Variants in LIMCH1 observed in about 807,000 individuals in gnomAD.
The protein encoded by LIMCH1 is LIM and calponin homology domains 1, also known as LIM and calponin homology domains-containing protein 1.
LIMCH1 carries 113 observed loss-of-function variants against 176.5 expected under a neutral mutation model. The ratio of observed to expected loss-of-function variants is 0.64; its 90% CI spans 0.55 to 0.75. The LOEUF is 0.75. Among genes scored for constraint, LIMCH1 ranks in the 30% least tolerant of loss-of-function variants. The pLI is 0.00. For missense variants in LIMCH1, 1,674 were observed against 1,814.9 expected (o/e 0.92, Z 1.41); for synonymous variants, 619 against 645.9 (o/e 0.96, Z 0.63).
intron 22 of LIMCH1, among the ~76,000 whole-genome samples, chr4:41,672,098 G>T (rs571542026): frequency 6.6e-6 from 1 of 152,252 alleles, no homozygotes; most frequent in South Asian, 2.1e-4. Flanking sequence ...GACTTGGCAT[G>T]GTGGCTCACA....
At chr4:41,624,814 G>A (rs1187897799) in intron 7 of LIMCH1, among the ~76,000 whole-genome samples, 1 of 152,034 alleles carries the variant, frequency 6.6e-6, no homozygotes, top group Admixed American at 6.6e-5. Flanking sequence ...AAATATATAA[G>A]CCTCAGAAAT....
chr4:41,655,848 C>T (rs1585412358), intron 18 of LIMCH1, among the ~76,000 whole-genome samples: 1 of 151,934 alleles, frequency 6.6e-6, no homozygotes, highest in Non-Finnish European at 1.5e-5. Context: ...GCTCTTTTTG[C>T]CTCTCCTTTT....
chr4:41,461,366 A>G (rs1041127765), intron 1 of LIMCH1, among the ~76,000 whole-genome samples: 1 of 152,218 alleles, frequency 6.6e-6, no homozygotes, highest in Non-Finnish European at 1.5e-5. Flanking sequence ...CGATTGCTTA[A>G]AAACGACTAA....
At chr4:41,681,193 C>T in intron 25 of LIMCH1, 134 bp downstream of exon 25, 1 of 542,104 alleles carries the variant, frequency 1.8e-6, no homozygotes. Context: ...ATCACGTCAG[C>T]TACTGTGTGG....
At chr4:41,612,450 T>TCC (rs2091543960) in intron 4 of LIMCH1, 1 of 682,344 alleles carries the variant, frequency 1.5e-6, no homozygotes, top group South Asian at 1.6e-5. Flanking sequence ...TCTGCCAGTG[T>TCC]TATCCACAGT....
intron 23 of LIMCH1, 150 bp downstream of exon 23, chr4:41,676,612 T>A: frequency 1.5e-6 from 1 of 647,662 alleles, no homozygotes; most frequent in Non-Finnish European, 2.8e-6. Context: ...TGTGTCCTTG[T>A]AACAGGGTAC....
chr4:41,394,939 A>G (rs563954880), intron 1 of LIMCH1, among the ~76,000 whole-genome samples: 2 of 152,314 alleles, frequency 1.3e-5, no homozygotes, highest in African/African-American at 4.8e-5. Context: ...AAGCTAAGTT[A>G]ACGGCTTCAC....
chr4:41,629,256 G>C (rs954841741), intron 8 of LIMCH1, among the ~76,000 whole-genome samples: 1 of 152,168 alleles, frequency 6.6e-6, no homozygotes. Flanking sequence ...CTGTAGTTGA[G>C]ACTGTCATCT....
chr4:41,456,235 G>A (rs73140693), intron 1 of LIMCH1, among the ~76,000 whole-genome samples: 3,977 of 152,236 alleles, frequency 0.026, 151 homozygotes, highest in African/African-American at 0.091. Context: ...TTCTCACACA[G>A]CTTAAATTTT....
At chr4:41,490,943 G>A (rs200195872) in intron 1 of LIMCH1, among the ~76,000 whole-genome samples, 70 of 142,838 alleles carry the variant, frequency 4.9e-4, no homozygotes, top group African/African-American at 1.6e-3. Context: ...CGGGGCGGCC[G>A]GGCAGAGGCA....
intron 1 of LIMCH1, among the ~76,000 whole-genome samples, chr4:41,549,020 C>T (rs1229083827): frequency 6.6e-6 from 1 of 151,802 alleles, no homozygotes; most frequent in East Asian, 1.9e-4. Context: ...TGTGAAAACT[C>T]ATGGTTTCTA....
intron 1 of LIMCH1, among the ~76,000 whole-genome samples, chr4:41,556,604 C>A (rs2081301557): frequency 6.6e-6 from 1 of 151,974 alleles, no homozygotes; most frequent in Non-Finnish European, 1.5e-5. Context: ...TATTACGCCT[C>A]CCCATCTACA....
chr4:41,464,715 T>C (rs1008236948), intron 1 of LIMCH1, among the ~76,000 whole-genome samples: 39 of 152,278 alleles, frequency 2.6e-4, no homozygotes, highest in Non-Finnish European at 4.6e-4. Context: ...CATTCTAACC[T>C]CCCCAGCATT....
chr4:41,654,111 A>G (rs1225470178), intron 18 of LIMCH1, among the ~76,000 whole-genome samples: 5 of 152,248 alleles, frequency 3.3e-5, no homozygotes, highest in African/African-American at 1.2e-4. Context: ...TATATAGAAC[A>G]ACGTAGAATT....
upstream of LIMCH1, among the ~76,000 whole-genome samples, chr4:41,536,692 T>G (rs556076811): frequency 6.6e-6 from 1 of 152,264 alleles, no homozygotes; most frequent in East Asian, 1.9e-4. Flanking sequence ...TGGAAGGATA[T>G]TCTACAAAAT....
intron 1 of LIMCH1, among the ~76,000 whole-genome samples, chr4:41,548,031 A>G (rs1007310725): frequency 1.3e-5 from 2 of 151,492 alleles, no homozygotes; most frequent in African/African-American, 4.8e-5. Flanking sequence ...TAGCATAGTA[A>G]TAGTACCTAA....
intron 1 of LIMCH1, among the ~76,000 whole-genome samples, chr4:41,538,720 A>G (rs1309031139): frequency 6.6e-6 from 1 of 152,280 alleles, no homozygotes; most frequent in East Asian, 1.9e-4. Flanking sequence ...CCAGCAGCAC[A>G]TGGTGTTGTG....
At chr4:41,553,251 G>A (rs532611663) in intron 1 of LIMCH1, among the ~76,000 whole-genome samples, 61 of 152,286 alleles carry the variant, frequency 4.0e-4, no homozygotes, top group Non-Finnish European at 7.5e-4. Flanking sequence ...CTCCACCTTT[G>A]AGGAACTATT....
At chr4:41,380,648 C>T (rs1023919191) in intron 1 of LIMCH1, among the ~76,000 whole-genome samples, 3 of 152,090 alleles carry the variant, frequency 2.0e-5, no homozygotes, top group Non-Finnish European at 2.9e-5. Flanking sequence ...ACATTTTCCC[C>T]CAAGTGATTG....
Sources: allele counts gnomAD v4.1 joint callset (sites outside exome capture counted in the v4.1 genomes callset), GRCh38; gene constraint gnomAD v4.1.1; transcripts MANE v1.5; gene names NCBI Gene and HGNC (gene_info 2026-07-23, HGNC 2026-07-21).